The following NSD2 variants were observed in gnomAD, a reference collection of about 807,000 sequenced individuals.
The protein encoded by NSD2 is histone-lysine N-methyltransferase NSD2.
NSD2 carries 12 observed loss-of-function variants against 139.0 expected under a neutral mutation model. The observed-to-expected ratio is 0.09, with a 90% CI of 0.06 to 0.14. NSD2 has a LOEUF of 0.14. Among genes scored for constraint, NSD2 ranks in the 10% least tolerant of loss-of-function variants. The pLI is 1.00. For missense variants in NSD2, 1,155 were observed against 1,745.0 expected (o/e 0.66, Z 6.02); for synonymous variants, 669 against 648.7 (o/e 1.03, Z -0.48).
intron 1 of NSD2, among the ~76,000 whole-genome samples, chr4:1,885,862 T>G (rs1715045866): frequency 6.6e-6 from 1 of 152,176 alleles, no homozygotes; most frequent in Non-Finnish European, 1.5e-5. Flanking sequence ...AACTGAGTTG[T>G]GTGAGTTCCA....
chr4:1,930,515 A>G (rs1721513426), intron 5 of NSD2, 111 bp from the exon 6 acceptor site: 2 of 1,178,708 alleles, frequency 1.7e-6, no homozygotes, highest in Admixed American at 3.2e-5. Flanking sequence ...TGTGGGAATA[A>G]AAATGCGACA....
intron 3 of NSD2, chr4:1,912,242 T>C (rs1379085561): frequency 6.6e-5 from 13 of 198,248 alleles, no homozygotes; most frequent in Non-Finnish European, 1.4e-4. Context: ...TCTAATACTT[T>C]GATTTCTCAT....
At chr4:1,888,268 C>T (rs1469660621) in intron 1 of NSD2, among the ~76,000 whole-genome samples, 1 of 151,818 alleles carries the variant, frequency 6.6e-6, no homozygotes, top group Non-Finnish European at 1.5e-5. Context: ...AAAAATTAGC[C>T]AGGCCTGGTG....
At chr4:1,978,499 G>A (rs1727367302) in intron 21 of NSD2, 139 bp from the exon 22 acceptor site, 2 of 1,251,520 alleles carry the variant, frequency 1.6e-6, no homozygotes, top group Admixed American at 2.7e-5. Flanking sequence ...TAGACAGTTT[G>A]TCTGCCCGTC....
In NSD2 at chr4:1,980,903, T is replaced by C. The variant is rs748739512; in HGVS notation, c.*1994T>C. On this transcript the variant is annotated 3_prime_UTR_variant, in exon 22 of 22. Coordinates refer to ENST00000508803, the MANE Select transcript of NSD2 (RefSeq NM_001042424.3). ...TTTATGCTCCTTATGATGCCCTAAC[T>C]TGGAAGGTTGTTCTAGGGACAGGCC... is the stretch of plus-strand genomic sequence containing the variant. 10 of 233,126 alleles carry C rather than the reference T, an allele frequency of 4.3e-5. No individual in the cohort carries two copies. The highest frequency in any genetic ancestry group is 2.5e-5 in the Non-Finnish European group (3 of 118,032). 14.4% of individuals were successfully genotyped at this position (233,126 alleles called of 1,614,324 possible).
intron 9 of NSD2, chr4:1,944,950 A>C: frequency 9.4e-7 from 1 of 1,063,968 alleles, no homozygotes; most frequent in Middle Eastern, 4.2e-4. Flanking sequence ...AATGTTTCTT[A>C]AAACCAATAG....
intron 21 of NSD2, among the ~76,000 whole-genome samples, chr4:1,977,511 C>CA (rs1727219344): frequency 1.3e-5 from 2 of 152,246 alleles, no homozygotes; most frequent in African/African-American, 2.4e-5. Flanking sequence ...TGCGGGGGCT[C>CA]ATGCCTGTAA....
intron 1 of NSD2, among the ~76,000 whole-genome samples, chr4:1,889,930 A>G (rs180908347): frequency 6.6e-6 from 1 of 152,232 alleles, no homozygotes; most frequent in East Asian, 1.9e-4. Context: ...CTACTACCTA[A>G]TTCCTAAACA....
Position 1,976,263 on chromosome 4 carries a change from C to T in NSD2, c.3622-212C>T. On this transcript the variant is annotated intron_variant, in intron 20 of 21. Coordinates refer to ENST00000508803, the MANE Select transcript of NSD2 (RefSeq NM_001042424.3). This position sits in a 1 kb window ranked among gnomAD's most constrained non-coding sequence, Gnocchi z 5.3. Reference sequence around the variant, plus strand: ...TTGCAGGCTTCCGACAAAGCTCACTCTAGTCGTAGTCTTTGTTCAGCTTTT... The same window carrying T: ...TTGCAGGCTTCCGACAAAGCTCACTTTAGTCGTAGTCTTTGTTCAGCTTTT... The T allele has an allele frequency of 5.1e-6, 3 of 589,218 alleles. No individual in the cohort carries two copies. Among genetic ancestry groups the T allele is most frequent in the Non-Finnish European group, 9.1e-6 (3 of 331,322 alleles). The allele number at this position is 589,218 out of a possible 1,614,324, so 36.5% of individuals were successfully genotyped here. A position where few individuals can be genotyped will look rare whatever the true frequency, so the allele number is the denominator to read the frequency against.
intron 5 of NSD2, 66 bp from the exon 6 acceptor site, chr4:1,930,560 T>G: frequency 6.7e-7 from 1 of 1,488,824 alleles, no homozygotes; most frequent in Non-Finnish European, 9.0e-7. Flanking sequence ...TTTGATTTCA[T>G]GCAAAACAAA....
At chr4:1,957,401 A>G (rs1276215296) in intron 15 of NSD2, among the ~76,000 whole-genome samples, 1 of 149,862 alleles carries the variant, frequency 6.7e-6, no homozygotes, top group Non-Finnish European at 1.5e-5. Context: ...CTCCTGCCTC[A>G]GTCTCCCAAG....
chr4:1,960,741 A>G (rs113253323), intron 17 of NSD2, among the ~76,000 whole-genome samples: 34 of 152,364 alleles, frequency 2.2e-4, no homozygotes, highest in African/African-American at 7.2e-4. Context: ...AAAGTGGGTT[A>G]TGTAGAAGCT....
chr4:1,914,411 C>A (rs994690019), intron 3 of NSD2, among the ~76,000 whole-genome samples: 4 of 150,540 alleles, frequency 2.7e-5, no homozygotes. Flanking sequence ...TTGCAGTCTC[C>A]ACCTCCTGGG....
intron 9 of NSD2, chr4:1,947,997 G>T: frequency 1.9e-6 from 2 of 1,056,716 alleles, no homozygotes; most frequent in Non-Finnish European, 2.3e-6. Context: ...TGTTCACTAG[G>T]TTCCGTTATG....
chr4:1,884,884 G>A (rs1001703468), intron 1 of NSD2, among the ~76,000 whole-genome samples: 1 of 151,784 alleles, frequency 6.6e-6, no homozygotes, highest in African/African-American at 2.4e-5. Context: ...CGAGGCAGGC[G>A]GATCACCTGA....
intron 21 of NSD2, among the ~76,000 whole-genome samples, chr4:1,978,059 G>A (rs530721206): frequency 6.6e-6 from 1 of 151,182 alleles, no homozygotes; most frequent in Non-Finnish European, 1.5e-5. Context: ...CCCAAGAGAC[G>A]GAGGCTGCAG....
intron 1 of NSD2, among the ~76,000 whole-genome samples, chr4:1,898,132 GT>G (rs1252131350): frequency 1.3e-5 from 2 of 151,648 alleles, no homozygotes; most frequent in Non-Finnish European, 2.9e-5. Flanking sequence ...TGTAATCCAG[GT>G]TGGAGTGCAG....
intron 5 of NSD2, among the ~76,000 whole-genome samples, chr4:1,929,985 A>G (rs1375066152): frequency 6.6e-6 from 1 of 152,198 alleles, no homozygotes. Context: ...GTGAAAGTGC[A>G]GATTCCTGGT....
chr4:1,959,596 G>C lies in NSD2; in HGVS notation c.3111G>C (p.Leu1037=). 1 of 1,614,200 alleles carries C rather than the reference G, an allele frequency of 6.2e-7. No homozygotes were observed. Among genetic ancestry groups the C allele is most frequent in the African/African-American group, 1.3e-5 (1 of 75,058 alleles). The change falls in exon 17 of 22, where the codon CTG becomes CTC. Residue 1037 remains leucine, a synonymous_variant. Coordinates refer to ENST00000508803, the MANE Select transcript of NSD2 (RefSeq NM_001042424.3). ...GFDSECLNRM[L]MFECHPQVCP... The stretch of plus-strand genomic sequence containing the variant: ...ATTCGGAGTGTCTGAACAGGATGCT[G>C]ATGTTTGAGTGCCACCCGCAGGTGT...
Sources: allele counts gnomAD v4.1 joint callset (sites outside exome capture counted in the v4.1 genomes callset), GRCh38; gene constraint gnomAD v4.1.1; non-coding constraint Gnocchi (gnomAD v3.1); transcripts MANE v1.5; gene names NCBI Gene and HGNC (gene_info 2026-07-23, HGNC 2026-07-21).